The following ZNF469 variants were observed in gnomAD, a reference collection of about 807,000 sequenced individuals.
ZNF469 encodes zinc finger protein 469.
ZNF469 carries 1 observed loss-of-function variant against 1.0 expected under a neutral mutation model. The ratio of observed to expected loss-of-function variants is 1.00; its 90% CI spans 0.35 to 4.73. The LOEUF is 4.73. Ranked by LOEUF, ZNF469 falls within the 30% of genes most tolerant of loss-of-function variation. The pLI is 0.16. For missense variants in ZNF469, 6,100 were observed against 5,356.3 expected (o/e 1.14, Z -4.33); for synonymous variants, 2,703 against 2,363.4 (o/e 1.14, Z -4.17).
intron 1 of ZNF469, among the ~76,000 whole-genome samples, chr16:88,390,099 C>T (rs1450353284): frequency 1.3e-5 from 2 of 152,182 alleles, no homozygotes; most frequent in Admixed American, 6.5e-5. Context: ...ATCAGACTTT[C>T]GGGGGCCACT....
chr16:88,151,049 C>T, the ZNF469 span, among the ~76,000 whole-genome samples: 7 of 152,232 alleles, frequency 4.6e-5, no homozygotes, highest in African/African-American at 7.2e-5. The surrounding 1 kb of genome is among the most constrained non-coding windows in gnomAD (Gnocchi z 5.4). Context: ...AGAAGTGACA[C>T]GCGACTCCAG....
chr16:88,229,992 C>G, the ZNF469 span, among the ~76,000 whole-genome samples: 2 of 152,160 alleles, frequency 1.3e-5, no homozygotes, highest in African/African-American at 2.4e-5. Flanking sequence ...CAGCAGCCTA[C>G]TTTCTCAGGG....
the ZNF469 span, among the ~76,000 whole-genome samples, chr16:88,134,422 A>G: frequency 6.6e-6 from 1 of 152,196 alleles, no homozygotes; most frequent in Non-Finnish European, 1.5e-5. Flanking sequence ...TGGTTGCACC[A>G]CCATCCATTT....
At chr16:88,154,016 T>C in the ZNF469 span, among the ~76,000 whole-genome samples, 16 of 152,208 alleles carry the variant, frequency 1.1e-4, no homozygotes, top group African/African-American at 3.4e-4. Context: ...AGGTATGAAT[T>C]TGGGGACACA....
At chr16:88,296,066 A>G in the ZNF469 span, among the ~76,000 whole-genome samples, 2 of 152,132 alleles carry the variant, frequency 1.3e-5, no homozygotes, top group African/African-American at 2.4e-5. Flanking sequence ...TGAAGGGTGG[A>G]AGCGAGCCCG....
chr16:88,128,245 C>G, the ZNF469 span, among the ~76,000 whole-genome samples: 2 of 151,996 alleles, frequency 1.3e-5, no homozygotes, highest in African/African-American at 4.8e-5. Context: ...GCCCAGAATG[C>G]AGGCCTTTCT....
chr16:88,422,473 G>GGATGGGTGGGTGGATAGATGGGTGAGT, intron 1 of ZNF469, among the ~76,000 whole-genome samples: 1 of 148,312 alleles, frequency 6.7e-6, no homozygotes, highest in Non-Finnish European at 1.5e-5. Flanking sequence ...GGTGATGGAT[G>GGATGGGTGGGTGGATAGATGGGTGAGT]GATGGGTGGG....
the ZNF469 span, among the ~76,000 whole-genome samples, chr16:88,102,072 C>T: frequency 7.0e-6 from 1 of 142,558 alleles, no homozygotes; most frequent in African/African-American, 2.5e-5. Context: ...CCCCCGCCCC[C>T]CGCCCAGTGT....
the ZNF469 span, among the ~76,000 whole-genome samples, chr16:88,342,360 C>A: frequency 6.6e-6 from 1 of 152,054 alleles, no homozygotes; most frequent in Non-Finnish European, 1.5e-5. Context: ...TGGGGGAGGC[C>A]AAATGTCCTC....
chr16:88,224,227 C>G, the ZNF469 span, among the ~76,000 whole-genome samples: 1 of 152,206 alleles, frequency 6.6e-6, no homozygotes, highest in Admixed American at 6.5e-5. Context: ...CACACAGAAC[C>G]AGCGGCCCCA....
At chr16:88,144,476 C>A in the ZNF469 span, among the ~76,000 whole-genome samples, 5 of 152,224 alleles carry the variant, frequency 3.3e-5, no homozygotes, top group Non-Finnish European at 7.3e-5. Flanking sequence ...CACGTCCCTC[C>A]AGCCACCCCA....
chr16:88,413,100 C>T lies in ZNF469; in HGVS notation c.-191-11707C>T, dbSNP rs550836270. On this transcript the variant is annotated intron_variant, in intron 1 of 2. Coordinates refer to ENST00000565624, the MANE Select transcript of ZNF469 (RefSeq NM_001367624.2). ...GCTCCTTCCTTGAACAAATCTGGGC[C>T]ATTATCTCTGCCTTATCCAAGGCAC... 4.6e-5 allele frequency among the ~76,000 whole-genome samples: 7 copies of T among 152,298 alleles called. No homozygotes were observed. In the South Asian group the frequency reaches 1.4e-3, roughly 32 times the overall value.
the ZNF469 span, among the ~76,000 whole-genome samples, chr16:88,334,352 T>C: frequency 3.5e-3 from 537 of 152,096 alleles, 4 homozygotes; most frequent in Middle Eastern, 0.024. Flanking sequence ...GGACCAGAAG[T>C]GTTTTGGTTT....
At chr16:88,409,933 C>T (rs1049360994) in intron 1 of ZNF469, among the ~76,000 whole-genome samples, 6 of 151,438 alleles carry the variant, frequency 4.0e-5, no homozygotes, top group Non-Finnish European at 7.4e-5. Flanking sequence ...TGCAGGTCTT[C>T]CAGGCCAGCT....
At chr16:88,169,176 G>C in the ZNF469 span, among the ~76,000 whole-genome samples, 1 of 152,228 alleles carries the variant, frequency 6.6e-6, no homozygotes, top group African/African-American at 2.4e-5. This position sits in a 1 kb window ranked among gnomAD's most constrained non-coding sequence, Gnocchi z 6.1. Context: ...ACTGCCATGA[G>C]GCAGAGGGAT....
At chr16:88,305,675 CAT>C in the ZNF469 span, among the ~76,000 whole-genome samples, 4 of 152,216 alleles carry the variant, frequency 2.6e-5, no homozygotes, top group Admixed American at 6.5e-5. Context: ...CATACACACA[CAT>C]GCTCACATGC....
the ZNF469 span, among the ~76,000 whole-genome samples, chr16:88,248,000 A>C: frequency 6.6e-6 from 1 of 152,168 alleles, no homozygotes; most frequent in African/African-American, 2.4e-5. Flanking sequence ...ACGGAAGGCT[A>C]TCAGAGCAGC....
the ZNF469 span, among the ~76,000 whole-genome samples, chr16:88,324,575 C>T: frequency 1.2e-4 from 19 of 152,336 alleles, no homozygotes; most frequent in Non-Finnish European, 4.4e-5. Flanking sequence ...TTTACTTAAG[C>T]GGCCGTGTAC....
At chr16:88,141,289 C>CA in the ZNF469 span, among the ~76,000 whole-genome samples, 155 of 152,284 alleles carry the variant, frequency 1.0e-3, no homozygotes, top group Non-Finnish European at 1.5e-3. Context: ...AGTTGTGTAA[C>CA]AAAAGACACC....
Sources: allele counts gnomAD v4.1 joint callset (sites outside exome capture counted in the v4.1 genomes callset), GRCh38; gene constraint gnomAD v4.1.1; non-coding constraint Gnocchi (gnomAD v3.1); transcripts MANE v1.5; gene names NCBI Gene and HGNC (gene_info 2026-07-23, HGNC 2026-07-21).